KIF27: variants seen among roughly 807,000 people sequenced by gnomAD.
The protein encoded by KIF27 is kinesin-like protein KIF27.
Under a neutral mutation model 141.8 loss-of-function variants are expected in KIF27, and 84 were observed. That is an observed-to-expected ratio of 0.59 (90% CI 0.50 to 0.71). KIF27 has a LOEUF of 0.71. KIF27 is among the 30% of genes least tolerant of loss of function. KIF27 has a pLI of 0.00. For synonymous variants in KIF27, 471 were observed against 569.5 expected (o/e 0.83, Z 2.46); for missense variants, 1,306 against 1,628.4 (o/e 0.80, Z 3.41).
rs1284800216 is a variant in KIF27, at chr9:83,903,376, G to A, written c.1142C>T (p.Thr381Ile). The A allele has an allele frequency of 2.5e-6, 4 of 1,613,956 alleles. No individual in the cohort carries two copies. Among genetic ancestry groups the A allele is most frequent in the East Asian group, 4.5e-5 (2 of 44,900 alleles). Residue 381 changes from threonine to isoleucine, a missense_variant, in exon 4 of 18, where the codon ACC (threonine) becomes ATC (isoleucine). Thr to Ile is a moderately conservative substitution (Grantham distance 89). Coordinates refer to ENST00000297814, the MANE Select transcript of KIF27 (RefSeq NM_017576.4). ...QSQQAGVSQT[T>I]QINREGSPDT... ...AGGACTCCCTTCTCGATTGATCTGG[G>A]TAGTTTGGCTGACACCAGCCTGCTG...
Position 83,837,388 on chromosome 9 carries a change from A to G in KIF27, c.3819T>C (p.Ser1273=). The change falls in exon 18 of 18, where the codon AGT becomes AGC. Residue 1273 remains serine, a synonymous_variant. Transcript: ENST00000297814. ...AACTGTCCATTTCTCTTTCTCTTCC[A>G]CTTAATTTCATACTTTCAGGTCTGG... ...WASRPESMKL[S]GREREMDSSA... is the part of the protein sequence containing the mutation. The G allele has an allele frequency of 6.2e-7, 1 of 1,610,716 alleles. No homozygotes were observed.
In KIF27 at chr9:83,867,666, G is replaced by A. The variant is rs746736134; in HGVS notation, c.2934+18C>T. The A allele has an allele frequency of 1.3e-6, 2 of 1,578,126 alleles. No individual in the cohort carries two copies. Among genetic ancestry groups the A allele is most frequent in the Non-Finnish European group, 1.7e-6 (2 of 1,165,960 alleles). On this transcript the variant is annotated intron_variant, in intron 13 of 17. Coordinates refer to ENST00000297814, the MANE Select transcript of KIF27 (RefSeq NM_017576.4). ...AGTGGTTTACAACCAGAATCAAGTA[G>A]TGTATTAAACAGAATACCTGACTAG...
At chr9:83,888,839 C>T (rs948368261) in intron 7 of KIF27, among the ~76,000 whole-genome samples, 8 of 139,354 alleles carry the variant, frequency 5.7e-5, no homozygotes, top group African/African-American at 1.9e-4. Context: ...AAAAAAAAAC[C>T]TCTGAAAATT....
intron 8 of KIF27, 116 bp downstream of exon 8, chr9:83,888,373 T>A (rs186244748): frequency 1.1e-4 from 52 of 453,356 alleles, no homozygotes; most frequent in Middle Eastern, 6.5e-4. Context: ...TAGGAAAGCA[T>A]TTGTACCAAA....
chr9:83,865,412 C>T (rs984311619), intron 13 of KIF27, among the ~76,000 whole-genome samples: 1 of 152,070 alleles, frequency 6.6e-6, no homozygotes, highest in Non-Finnish European at 1.5e-5. Flanking sequence ...ATTGTCCTGC[C>T]TCAGCTCCCA....
At chr9:83,920,498 A>G (rs762127108) in intron 1 of KIF27, among the ~76,000 whole-genome samples, 1 of 152,184 alleles carries the variant, frequency 6.6e-6, no homozygotes, top group Non-Finnish European at 1.5e-5. Context: ...GTCAGGAATG[A>G]GTGTCTCCAA....
At chr9:83,875,188 C>G (rs1280146381) in intron 11 of KIF27, among the ~76,000 whole-genome samples, 1 of 152,080 alleles carries the variant, frequency 6.6e-6, no homozygotes, top group Non-Finnish European at 1.5e-5. Flanking sequence ...ACAAAACAGA[C>G]TAAGTTGTTG....
intron 5 of KIF27, among the ~76,000 whole-genome samples, chr9:83,897,576 T>C (rs1953402184): frequency 6.6e-6 from 1 of 152,018 alleles, no homozygotes; most frequent in South Asian, 2.1e-4. Flanking sequence ...ACTTATTAAA[T>C]AGAGAACAAA....
chr9:83,913,162 C>T (rs372944821), intron 2 of KIF27, among the ~76,000 whole-genome samples: 3 of 151,898 alleles, frequency 2.0e-5, no homozygotes, highest in African/African-American at 7.3e-5. Flanking sequence ...AAGGCCCTAT[C>T]TGAAAGCAAA....
chr9:83,914,923 C>T (rs1056663860), intron 2 of KIF27, among the ~76,000 whole-genome samples: 9 of 152,128 alleles, frequency 5.9e-5, no homozygotes, highest in South Asian at 4.1e-4. Flanking sequence ...ATTTTTCCTA[C>T]GGTCCCTAAG....
At chr9:83,877,182 T>A (rs1951269242) in intron 11 of KIF27, among the ~76,000 whole-genome samples, 4 of 152,228 alleles carry the variant, frequency 2.6e-5, no homozygotes, top group African/African-American at 7.2e-5. Context: ...TTCACATAGT[T>A]AGCATTTTGG....
intron 13 of KIF27, among the ~76,000 whole-genome samples, chr9:83,863,254 A>T (rs7859928): frequency 0.15 from 23,388 of 152,126 alleles, 2,029 homozygotes; most frequent in African/African-American, 0.23. Context: ...GTCTTGTGCC[A>T]GTTTTCAAAG....
chr9:83,845,510 G>A (rs1947152501), intron 16 of KIF27, among the ~76,000 whole-genome samples: 1 of 152,168 alleles, frequency 6.6e-6, no homozygotes, highest in African/African-American at 2.4e-5. Context: ...GGCCTCATGG[G>A]GAGTTCCCTA....
intron 17 of KIF27, among the ~76,000 whole-genome samples, chr9:83,839,810 G>A (rs1461720680): frequency 1.3e-5 from 2 of 152,126 alleles, no homozygotes; most frequent in Admixed American, 6.6e-5. Context: ...CGGGCCTGAT[G>A]GTGGCGCCTG....
At position 83,867,721 on chromosome 9, in the gene KIF27, T is replaced by G. The variant is rs762623494; in HGVS notation, c.2897A>C (p.Lys966Thr). Residue 966 changes from lysine to threonine, a missense_variant, in exon 13 of 18, where the codon AAG becomes ACG. Around this residue, in one of 4 missense-constraint regions of KIF27, gnomAD observed 596 missense variants for 751.6 expected, o/e 0.79. Coordinates refer to ENST00000297814, the MANE Select transcript of KIF27 (RefSeq NM_017576.4). ...VSKKEALLQE[K>T]SHLENKKLRS... ...CAATTTCTTATTTTCCAGGTGACTC[T>G]TCTCCTGTAACAGAGCCTCCTTCTT... The G allele has an allele frequency of 4.0e-5, 64 of 1,607,480 alleles. No homozygotes were observed. The highest frequency in any genetic ancestry group is 5.3e-5 in the Non-Finnish European group (63 of 1,178,424).
chr9:83,870,118 C>A (rs1227340234), intron 12 of KIF27, among the ~76,000 whole-genome samples: 6 of 152,000 alleles, frequency 3.9e-5, no homozygotes, highest in South Asian at 4.2e-4. Context: ...TCAGAGTCCA[C>A]CAGTTTTTAC....
At chr9:83,862,104 A>T (rs1949979259) in intron 13 of KIF27, among the ~76,000 whole-genome samples, 1 of 151,544 alleles carries the variant, frequency 6.6e-6, no homozygotes, top group Non-Finnish European at 1.5e-5. Context: ...GATTGCAAAA[A>T]TTTTCTCCCA....
chr9:83,862,578 C>G (rs1950030292), intron 13 of KIF27, among the ~76,000 whole-genome samples: 1 of 152,114 alleles, frequency 6.6e-6, no homozygotes, highest in Non-Finnish European at 1.5e-5. Context: ...GTTACTGTAG[C>G]CTTGTAGTAT....
In KIF27 at chr9:83,903,733, T is replaced by C. The variant is rs138255319; in HGVS notation, c.785A>G (p.Lys262Arg). Residue 262 changes from lysine to arginine, a missense_variant, in exon 4 of 18, where the codon AAA becomes AGA. Physicochemically the swap from Lys to Arg is conservative, Grantham distance 26 (BLOSUM62 2). This residue lies in a region of KIF27 where 533 missense variants were observed against 565.6 expected (regional missense o/e 0.94). Coordinates refer to ENST00000297814, the MANE Select transcript of KIF27 (RefSeq NM_017576.4). ...TCCACTATTGATTTGAATGGATTCT[T>C]TGAACCGTTCACCAGTATTCCCCGT... Reference protein sequence around the residue: ...TKTGNTGERFKESIQINSGLL... With the variant: ...TKTGNTGERFRESIQINSGLL... 4.3e-6 allele frequency: 7 copies of C among 1,614,090 alleles called. No individual in the cohort carries two copies. The highest frequency in any genetic ancestry group is 5.9e-6 in the Non-Finnish European group (7 of 1,180,040).
Sources: allele counts gnomAD v4.1 joint callset (sites outside exome capture counted in the v4.1 genomes callset), GRCh38; gene constraint gnomAD v4.1.1; regional missense constraint gnomAD v4.1.1; transcripts MANE v1.5; gene names NCBI Gene and HGNC (gene_info 2026-07-23, HGNC 2026-07-21).